MAGEC1: variants seen among roughly 807,000 people sequenced by gnomAD.
The protein encoded by MAGEC1 is MAGE family member C1, also known as melanoma-associated antigen C1.
MAGEC1 carries 3 observed loss-of-function variants against 1.5 expected under a neutral mutation model. The ratio of observed to expected loss-of-function variants is 1.97; its 90% CI spans 0.90 to 5.10. The LOEUF (loss-of-function observed/expected upper bound fraction) is 5.10, where lower values mean the gene tolerates loss of function less well. MAGEC1 is among the 30% of genes most tolerant of loss of function. The pLI, the probability that MAGEC1 is intolerant of heterozygous loss-of-function variation, is 0.02. For missense variants in MAGEC1, 985 were observed against 803.1 expected (o/e 1.23, Z -2.74); for synonymous variants, 357 against 310.4 (o/e 1.15, Z -1.58).
At position 141,908,622 on chromosome X, in the gene MAGEC1, C is replaced by T. The variant is rs1396544532; in HGVS notation, c.3218C>T (p.Pro1073Leu). 1.7e-6 allele frequency: 2 copies of T among 1,210,614 alleles called. No individual in the cohort carries two copies. Among genetic ancestry groups the T allele is most frequent in the Admixed American group, 4.3e-5 (2 of 45,978 alleles). Residue 1073 changes from proline to leucine, a missense_variant, in exon 4 of 4, where the codon CCA becomes CTA. Transcript: ENST00000285879. Reference sequence around the variant, plus strand: ...CCTCGTTACGAATTCCTGTGGGGTCCAAGAGCTCATTCAGAAGTCATTAAG... The same window carrying T: ...CCTCGTTACGAATTCCTGTGGGGTCTAAGAGCTCATTCAGAAGTCATTAAG... Reference protein sequence around the residue: ...SPPRYEFLWGPRAHSEVIKRK... With the variant: ...SPPRYEFLWGLRAHSEVIKRK...
In MAGEC1 at chrX:141,905,718, G is replaced by C. The variant is rs1197415306; in HGVS notation, c.314G>C (p.Gly105Ala). The C allele has an allele frequency of 4.1e-6, 5 of 1,211,359 alleles. No individual in the cohort carries two copies. Among genetic ancestry groups the C allele is most frequent in the Non-Finnish European group, 3.4e-6 (3 of 895,032 alleles). ...PLQNSQSSPE[G>A]KDSLSPLEIS... is the part of the protein sequence containing the mutation. ...CAGAATTCTCAGAGTTCTCCTGAGG[G>C]GAAGGACTCCCTGTCTCCTCTAGAG... Residue 105 changes from glycine to alanine, a missense_variant, in exon 4 of 4, where the codon GGG becomes GCG. Gly to Ala is a moderately conservative substitution (Grantham distance 60). Coordinates refer to ENST00000285879, the MANE Select transcript of MAGEC1 (RefSeq NM_005462.5).
At position 141,907,896 on chromosome X, in the gene MAGEC1, T is replaced by A. The variant is rs1222927541; in HGVS notation, c.2492T>A (p.Val831Glu). 3.3e-6 allele frequency: 4 copies of A among 1,208,533 alleles called. No individual in the cohort carries two copies. In the African/African-American group the frequency reaches 7.0e-5, roughly 21 times the overall value. Reference sequence around the variant, plus strand: ...TCGAGTCTTTCCCAGAGTTCTCCTGTGAGCTCCTTCCCCTCCTCCACTTCA... The same window carrying A: ...TCGAGTCTTTCCCAGAGTTCTCCTGAGAGCTCCTTCCCCTCCTCCACTTCA... ...TSSSLSQSSP[V>E]SSFPSSTSSS... The change falls in exon 4 of 4, where the codon GTG becomes GAG. Residue 831 changes from valine (V) to glutamate (E), a missense_variant. Physicochemically the swap from Val to Glu is moderately radical, Grantham distance 121. Transcript: ENST00000285879.
Position 141,905,552 on chromosome X carries a change from C to T in MAGEC1, c.148C>T (p.Pro50Ser). 1 of 1,210,549 alleles carries T rather than the reference C, an allele frequency of 8.3e-7. No homozygotes were observed. Among genetic ancestry groups the T allele is most frequent in the Non-Finnish European group, 1.1e-6 (1 of 895,092 alleles). ...TCCTGAGAGCGACGACACCCTGTAT[C>T]CTCTCCAGAGTCCTCAGAGTCGTTC... is the stretch of plus-strand genomic sequence containing the variant. Reference protein sequence around the residue: ...SSPESDDTLYPLQSPQSRSEG... With the variant: ...SSPESDDTLYSLQSPQSRSEG... Residue 50 changes from proline to serine, a missense_variant, in exon 4 of 4, where the codon CCT becomes TCT. Pro to Ser is a moderately conservative substitution (Grantham distance 74). Coordinates refer to ENST00000285879, the MANE Select transcript of MAGEC1 (RefSeq NM_005462.5).
rs150635296 is a variant in MAGEC1, at chrX:141,907,638, G to A, written c.2234G>A (p.Ser745Asn). ...CAGTCTTCTCTCCAGAGTCCTGTGA[G>A]TATCTGCTCCTCCTCCACTTCTTTG... ...DFQSSLQSPV[S>N]ICSSSTSLSL... Residue 745 changes from serine (S) to asparagine (N), a missense_variant, in exon 4 of 4, where the codon AGT becomes AAT. By Grantham distance (46) the Ser-to-Asn change is conservative (BLOSUM62 1). Coordinates refer to ENST00000285879, the MANE Select transcript of MAGEC1 (RefSeq NM_005462.5). 37 of 1,204,402 alleles carry A rather than the reference G, an allele frequency of 3.1e-5. No homozygotes were observed. Among genetic ancestry groups the A allele is most frequent in the Admixed American group, 4.4e-5 (2 of 45,361 alleles).
Position 141,907,201 on chromosome X carries a change from TC to T in MAGEC1, c.1799del (p.Pro600LeufsTer30). Reference sequence around the variant, plus strand: ...CTCCTCACTACTTTCCTCAGAGCCCTCCTCAGGGGGAGGACTCCATGTCTCC... The same window carrying T: ...CTCCTCACTACTTTCCTCAGAGCCCTCTCAGGGGGAGGACTCCATGTCTCC... Reference protein sequence around the residue: ...LSPHYFPQSPPQGEDSMSPLY... With the variant: ...LSPHYFPQSPXQGEDSMSPLY... On this transcript the variant is annotated frameshift_variant, in exon 4 of 4. Coordinates refer to ENST00000285879, the MANE Select transcript of MAGEC1 (RefSeq NM_005462.5). LOFTEE classifies it low-confidence loss of function (END_TRUNC). 8.3e-7 allele frequency: 1 copy of T among 1,209,985 alleles called. No homozygotes were observed. Among genetic ancestry groups the T allele is most frequent in the Non-Finnish European group, 1.1e-6 (1 of 894,785 alleles).
chrX:141,907,741 C>T lies in MAGEC1; in HGVS notation c.2337C>T (p.Val779=), dbSNP rs1183724286. Reference sequence around the variant, plus strand: ...CTCAGTCTCCTCTCCAGAGACCTGTCAGCTCCTTCTTCTCCTACACTTTAG... The same window carrying T: ...CTCAGTCTCCTCTCCAGAGACCTGTTAGCTCCTTCTTCTCCTACACTTTAG... ...GPAQSPLQRP[V]SSFFSYTLAS... The change falls in exon 4 of 4, where the codon GTC becomes GTT. Residue 779 remains valine, a synonymous_variant. Coordinates refer to ENST00000285879, the MANE Select transcript of MAGEC1 (RefSeq NM_005462.5). The T allele has an allele frequency of 8.3e-7, 1 of 1,207,176 alleles. No homozygotes were observed. The highest frequency in any genetic ancestry group is 1.1e-6 in the Non-Finnish European group (1 of 894,043).
In MAGEC1 at chrX:141,905,653, C is replaced by G; in HGVS notation, c.249C>G (p.Pro83=). The part of the protein sequence containing the change: ...GKDSQSPLQI[P]QSSPEGDDTQ... ...ACTCCCAGTCTCCTCTCCAGATTCC[C>G]CAGAGTTCTCCTGAGGGCGACGACA... Residue 83 remains proline, a synonymous_variant, in exon 4 of 4, where the codon CCC becomes CCG. Transcript: ENST00000285879. The G allele has an allele frequency of 8.3e-7, 1 of 1,208,958 alleles. No homozygotes were observed. Among genetic ancestry groups the G allele is most frequent in the South Asian group, 1.8e-5 (1 of 56,839 alleles).
In MAGEC1 at chrX:141,906,518, C is replaced by G. The variant is rs201858658; in HGVS notation, c.1114C>G (p.Pro372Ala). 6.7e-6 allele frequency: 8 copies of G among 1,197,267 alleles called. No individual in the cohort carries two copies. Among genetic ancestry groups the G allele is most frequent in the Non-Finnish European group, 7.9e-6 (7 of 887,955 alleles). The stretch of plus-strand genomic sequence containing the variant: ...TACTTTTGAGGGTTTTCCCCAGTCT[C>G]CTCTCCAGATTCCTGGGAGCCCCTC... Reference protein sequence around the residue: ...QSTFEGFPQSPLQIPGSPSFS... With the variant: ...QSTFEGFPQSALQIPGSPSFS... Residue 372 changes from proline (P) to alanine (A), a missense_variant, in exon 4 of 4, where the codon CCT (proline) becomes GCT (alanine). Coordinates refer to ENST00000285879, the MANE Select transcript of MAGEC1 (RefSeq NM_005462.5).
rs769074961 is a variant in MAGEC1, at chrX:141,905,049, A to C, written c.-24A>C. 1 of 1,211,913 alleles carries C rather than the reference A, an allele frequency of 8.3e-7. No individual in the cohort carries two copies. The highest frequency in any genetic ancestry group is 1.1e-6 in the Non-Finnish European group (1 of 895,520). On this transcript the variant is annotated 5_prime_UTR_variant, in exon 3 of 4. Transcript: ENST00000285879. ...ACCACCTTAAGAGAAGAAGAGCTGT[A>C]AGCCGGCCTTTGTCAGAGCCATCAT...
At chrX:141,905,343 T>C in intron 3 of MAGEC1, 66 bp from the exon 4 acceptor site, 1 of 1,024,583 alleles carries the variant, frequency 9.8e-7, no homozygotes, top group South Asian at 2.2e-5. Flanking sequence ...CACTTTTTAT[T>C]CCCCTCGTCC....
At position 141,906,195 on chromosome X, in the gene MAGEC1, C is replaced by T. The variant is rs1374496731; in HGVS notation, c.791C>T (p.Ala264Val). ...ERTQSTFEGF[A>V]QSSLQIPVSP... ...ACTCAGAGTACTTTTGAGGGTTTTG[C>T]CCAGTCTTCTCTCCAGATTCCTGTG... is the stretch of plus-strand genomic sequence containing the variant. The change falls in exon 4 of 4, where the codon GCC becomes GTC. Residue 264 changes from alanine (A) to valine (V), a missense_variant. Ala to Val is a moderately conservative substitution (Grantham distance 64). Transcript: ENST00000285879. 3 of 774,083 alleles carry T rather than the reference C, an allele frequency of 3.9e-6. No individual in the cohort carries two copies. The highest frequency in any genetic ancestry group is 5.5e-6 in the Non-Finnish European group (3 of 546,090). 63.8% of individuals were successfully genotyped at this position (774,083 alleles called of 1,213,427 possible).
rs755704224 is a variant in MAGEC1, at chrX:141,906,403, T to C, written c.999T>C (p.Phe333=). Residue 333 remains phenylalanine, a synonymous_variant, in exon 4 of 4, where the codon TTT becomes TTC. Coordinates refer to ENST00000285879, the MANE Select transcript of MAGEC1 (RefSeq NM_005462.5). Reference sequence around the variant, plus strand: ...GAACTCACAGTACTTTTGAGGGTTTTCCCCAGTCTCTTCTCCAGATTCCTA... The same window carrying C: ...GAACTCACAGTACTTTTGAGGGTTTCCCCCAGTCTCTTCTCCAGATTCCTA... The part of the protein sequence containing the change: ...PERTHSTFEG[F]PQSLLQIPMT... 2.5e-5 allele frequency: 30 copies of C among 1,188,649 alleles called. No homozygotes were observed. Among genetic ancestry groups the C allele is most frequent in the Non-Finnish European group, 3.2e-5 (28 of 878,658 alleles).
Position 141,906,833 on chromosome X carries a change from C to T in MAGEC1, c.1429C>T (p.Pro477Ser), listed in dbSNP as rs766215209. 5.0e-6 allele frequency: 6 copies of T among 1,207,103 alleles called. No homozygotes were observed. The highest frequency in any genetic ancestry group is 6.7e-6 in the Non-Finnish European group (6 of 893,626). The change falls in exon 4 of 4, where the codon CCT (proline) becomes TCT (serine). Residue 477 changes from proline to serine, a missense_variant. Transcript: ENST00000285879. ...TACTTTTGAGGGTTTTCCCCAGTCT[C>T]CTCTCCAGATTCCTGTGAGCTCCTC... ...HSTFEGFPQS[P>S]LQIPVSSSSS...
rs781697121 is a variant in MAGEC1, at chrX:141,905,539, C to T, written c.135C>T (p.Asp45=). 15 of 1,207,740 alleles carry T rather than the reference C, an allele frequency of 1.2e-5. No individual in the cohort carries two copies. In the African/African-American group the frequency reaches 1.6e-4, roughly 13 times the overall value. Residue 45 remains aspartate, a synonymous_variant, in exon 4 of 4, where the codon GAC becomes GAT. Transcript: ENST00000285879. ...TTCCCCAGAGTTCTCCTGAGAGCGACGACACCCTGTATCCTCTCCAGAGTC... is the reference window on the plus strand; with the variant it reads ...TTCCCCAGAGTTCTCCTGAGAGCGATGACACCCTGTATCCTCTCCAGAGTC... ...LQIPQSSPES[D]DTLYPLQSPQ... is the part of the protein sequence containing the mutation.
Position 141,908,506 on chromosome X carries a change from C to G in MAGEC1, c.3102C>G (p.His1034Gln), listed in dbSNP as rs1026245423. The G allele has an allele frequency of 8.4e-7, 1 of 1,194,201 alleles. No homozygotes were observed. The highest frequency in any genetic ancestry group is 1.1e-6 in the Non-Finnish European group (1 of 886,691). Reference sequence around the variant, plus strand: ...TAGGGGTGCGTGCTGGGAGGGAGCACTTTGCCTTTGGGGAGCCCAGGGAGC... The same window carrying G: ...TAGGGGTGCGTGCTGGGAGGGAGCAGTTTGCCTTTGGGGAGCCCAGGGAGC... The part of the protein sequence containing the change: ...SGIGVRAGRE[H>Q]FAFGEPRELL... Residue 1034 changes from histidine (H) to glutamine (Q), a missense_variant, in exon 4 of 4, where the codon CAC becomes CAG. By Grantham distance (24) the His-to-Gln change is conservative. Coordinates refer to ENST00000285879, the MANE Select transcript of MAGEC1 (RefSeq NM_005462.5).
rs755582077 is a variant in MAGEC1 at position 141,905,610 on chromosome X, G to T, written c.206G>T (p.Arg69Ile). The T allele has an allele frequency of 8.3e-7, 1 of 1,208,572 alleles. No homozygotes were observed. The highest frequency in any genetic ancestry group is 1.1e-6 in the Non-Finnish European group (1 of 894,505). Residue 69 changes from arginine (R) to isoleucine (I), a missense_variant, in exon 4 of 4, where the codon AGA becomes ATA. Transcript: ENST00000285879. ...GAGGACTCCTCGGATCCTCTCCAGA[G>T]ACCTCCTGAGGGGAAGGACTCCCAG... The part of the protein sequence containing the change: ...EGEDSSDPLQ[R>I]PPEGKDSQSP...
chrX:141,906,946 C>G lies in MAGEC1; in HGVS notation c.1542C>G (p.Leu514=). 8.2e-7 allele frequency: 1 copy of G among 1,212,251 alleles called. No homozygotes were observed. Among genetic ancestry groups the G allele is most frequent in the Non-Finnish European group, 1.1e-6 (1 of 895,572 alleles). The part of the protein sequence containing the change: ...STFEGFPQSP[L]QIPQSPPEGE... ...TTGAGGGTTTTCCCCAGTCTCCTCTCCAGATTCCTCAGAGTCCTCCTGAAG... is the reference window on the plus strand; with the variant it reads ...TTGAGGGTTTTCCCCAGTCTCCTCTGCAGATTCCTCAGAGTCCTCCTGAAG... The change falls in exon 4 of 4, where the codon CTC becomes CTG. Residue 514 remains leucine (L), a synonymous_variant. Coordinates refer to ENST00000285879, the MANE Select transcript of MAGEC1 (RefSeq NM_005462.5).
In MAGEC1 at chrX:141,907,168, C is replaced by T; in HGVS notation, c.1764C>T (p.Asp588=). The T allele has an allele frequency of 3.3e-6, 4 of 1,208,427 alleles. No individual in the cohort carries two copies. In the South Asian group the frequency reaches 5.3e-5, roughly 16 times the overall value. ...HYFPQSPQGE[D]SLSPHYFPQS... ...TTCCTCAGAGCCCTCAGGGGGAGGACTCCCTGTCTCCTCACTACTTTCCTC... is the reference window on the plus strand; with the variant it reads ...TTCCTCAGAGCCCTCAGGGGGAGGATTCCCTGTCTCCTCACTACTTTCCTC... The change falls in exon 4 of 4, where the codon GAC becomes GAT. Residue 588 remains aspartate, a synonymous_variant. Transcript: ENST00000285879.
rs1227853343 is a variant in MAGEC1 at position 141,908,172 on chromosome X, A to G, written c.2768A>G (p.Tyr923Cys). Reference protein sequence around the residue: ...DELARFLLLKYQVKQPITKAE... With the variant: ...DELARFLLLKCQVKQPITKAE... ...TTGGCGCGGTTTCTTCTCCTCAAAT[A>G]TCAAGTGAAGCAGCCTATCACAAAG... The change falls in exon 4 of 4, where the codon TAT (tyrosine) becomes TGT (cysteine). Residue 923 changes from tyrosine to cysteine, a missense_variant. Tyr to Cys is a radical substitution (Grantham distance 194). Transcript: ENST00000285879. 2 of 1,209,969 alleles carry G rather than the reference A, an allele frequency of 1.7e-6. No individual in the cohort carries two copies. Among genetic ancestry groups the G allele is most frequent in the Admixed American group, 4.4e-5 (2 of 45,729 alleles).
Sources: allele counts gnomAD v4.1 joint callset, GRCh38; gene constraint gnomAD v4.1.1; transcripts MANE v1.5; gene names NCBI Gene and HGNC (gene_info 2026-07-23, HGNC 2026-07-21).